The following CELSR3 variants were observed in gnomAD, a reference collection of about 807,000 sequenced individuals.
The protein encoded by CELSR3 is cadherin EGF LAG seven-pass G-type receptor 3.
A neutral mutation model predicts 270.0 loss-of-function variants in CELSR3; 73 were observed. That is an observed-to-expected ratio of 0.27 (90% CI 0.22 to 0.33). The LOEUF is 0.33. CELSR3 is among the 10% of genes least tolerant of loss of function. The pLI, the probability that CELSR3 is intolerant of heterozygous loss-of-function variation, is 1.00. For synonymous variants in CELSR3, 1,780 were observed against 1,905.4 expected, an observed-to-expected ratio of 0.93 and a Z score of 1.71; for missense variants, 3,614 against 4,533.8, an observed-to-expected ratio of 0.80 and a Z score of 5.83.
intron 16 of CELSR3, among the ~76,000 whole-genome samples, chr3:48,649,862 C>G (rs939758331): frequency 6.6e-6 from 1 of 152,152 alleles, no homozygotes; most frequent in South Asian, 2.1e-4. Flanking sequence ...GAGATACACA[C>G]GTGAGCATGC....
Position 48,641,669 on chromosome 3 carries a change from G to C in CELSR3, c.8825-145C>G. ...GTATCTCCTCAGAGATCAATGGGTGGGGGTGACTGGTGAGCTCCCTCCCCT... is the reference window on the plus strand; with the variant it reads ...GTATCTCCTCAGAGATCAATGGGTGCGGGTGACTGGTGAGCTCCCTCCCCT... On this transcript the variant is annotated intron_variant, in intron 32 of 34. Transcript: ENST00000164024. The surrounding 1 kb of genome is among the most constrained non-coding windows in gnomAD (Gnocchi z 4.8). The C allele has an allele frequency of 1.2e-6, 1 of 811,762 alleles. No individual in the cohort carries two copies. The highest frequency in any genetic ancestry group is 1.9e-6 in the Non-Finnish European group (1 of 524,480). The allele number at this position is 811,762 out of a possible 1,614,324, so 50.3% of individuals were successfully genotyped here.
chr3:48,656,105 G>C (rs763734512), intron 3 of CELSR3, 35 bp downstream of exon 3: 1 of 1,521,046 alleles, frequency 6.6e-7, no homozygotes, highest in South Asian at 1.2e-5. Flanking sequence ...GGTGGGGGCG[G>C]CGGGGAGGCG....
Position 48,656,986 on chromosome 3 carries a change from C to T in CELSR3, c.4111G>A (p.Val1371Ile), listed in dbSNP as rs1195525173. 2.5e-6 allele frequency: 4 copies of T among 1,612,952 alleles called. No homozygotes were observed. The highest frequency in any genetic ancestry group is 3.4e-6 in the Non-Finnish European group (4 of 1,179,558). ...CACACGTTGTCGTCGAAGGGCAGTA[C>T]GTCGAGCAGGGAGCGAGCCGCCAGC... The part of the protein sequence containing the change: ...AALAARSLLD[V>I]LPFDDNVCLR... Residue 1371 changes from valine to isoleucine, a missense_variant, in exon 2 of 35, where the codon GTA becomes ATA. Val to Ile is a conservative substitution (Grantham distance 29, BLOSUM62 3). This residue lies in a region of CELSR3 where 1,331 missense variants were observed against 1,933.7 expected (regional missense o/e 0.69). Coordinates refer to ENST00000164024, the MANE Select transcript of CELSR3 (RefSeq NM_001407.3).
chr3:48,644,718 C>T lies in CELSR3; in HGVS notation c.8083G>A (p.Val2695Met). ...GGCACCAAGTCCAGGGCACTCACCACTATGACCAGGACAACAGGGCCAGCA... is the reference window on the plus strand; with the variant it reads ...GGCACCAAGTCCAGGGCACTCACCATTATGACCAGGACAACAGGGCCAGCA... The part of the protein sequence containing the change: ...SFAGPVVLVI[V>M]MNGTMFLLAA... The change falls in exon 26 of 35, where the codon GTG becomes ATG. Residue 2695 changes from valine to methionine, a missense_variant and splice_region_variant. By Grantham distance (21) the Val-to-Met change is conservative. Around this residue, in one of 7 missense-constraint regions of CELSR3, gnomAD observed 1,240 missense variants for 1,351.7 expected, o/e 0.92. Coordinates refer to ENST00000164024, the MANE Select transcript of CELSR3 (RefSeq NM_001407.3). This position sits in a 1 kb window ranked among gnomAD's most constrained non-coding sequence, Gnocchi z 4.8. 1 of 1,612,106 alleles carries T rather than the reference C, an allele frequency of 6.2e-7. No individual in the cohort carries two copies. The highest frequency in any genetic ancestry group is 8.5e-7 in the Non-Finnish European group (1 of 1,178,694).
chr3:48,642,920 G>T lies in CELSR3; in HGVS notation c.8407-36C>A, dbSNP rs369336365. 3.4e-5 allele frequency: 55 copies of T among 1,611,124 alleles called. No homozygotes were observed. In the African/African-American group the frequency reaches 6.5e-4, roughly 19 times the overall value. ...TAGGGACAGAGTGTGAGCTAACCCT[G>T]AAGCAGCCTAAAACTCTGGCTTCTC... On this transcript the variant is annotated intron_variant, in intron 29 of 34. Coordinates refer to ENST00000164024, the MANE Select transcript of CELSR3 (RefSeq NM_001407.3). The surrounding 1 kb of genome is among the most constrained non-coding windows in gnomAD (Gnocchi z 6.1).
chr3:48,642,793 C>T lies in CELSR3; in HGVS notation c.8498G>A (p.Ser2833Asn). The change falls in exon 30 of 35, where the codon AGT (serine) becomes AAT (asparagine). Residue 2833 changes from serine (S) to asparagine (N), a missense_variant. Physicochemically the swap from Ser to Asn is conservative, Grantham distance 46. Around this residue, in one of 7 missense-constraint regions of CELSR3, gnomAD observed 1,240 missense variants for 1,351.7 expected, o/e 0.92. Coordinates refer to ENST00000164024, the MANE Select transcript of CELSR3 (RefSeq NM_001407.3). This position sits in a 1 kb window ranked among gnomAD's most constrained non-coding sequence, Gnocchi z 6.1. Reference protein sequence around the residue: ...LGASTVSSVSSARSGRTQDQD... With the variant: ...LGASTVSSVSNARSGRTQDQD... ...GTCCTGGGTCCGGCCGGAGCGGGCACTGCTCACAGAGGAGACGGTGGAGGC... is the reference window on the plus strand; with the variant it reads ...GTCCTGGGTCCGGCCGGAGCGGGCATTGCTCACAGAGGAGACGGTGGAGGC... 6.2e-7 allele frequency: 1 copy of T among 1,612,996 alleles called. No homozygotes were observed. The highest frequency in any genetic ancestry group is 8.5e-7 in the Non-Finnish European group (1 of 1,179,962).
At chr3:48,656,511 G>GCCCCCT (rs1389420363) in intron 2 of CELSR3, 146 bp from the exon 3 acceptor site, 4 of 1,126,430 alleles carry the variant, frequency 3.6e-6, no homozygotes. Context: ...GTCTGGCCCC[G>GCCCCCT]CCCCCTCCCC....
Position 48,645,128 on chromosome 3 carries a change from G to A in CELSR3, c.7879C>T (p.Leu2627Phe). Reference sequence around the variant, plus strand: ...CGTGGCTCAACCTGCATGCGGTAGAGGTGCAGCCCCTGCACGAAGAGCCAC... The same window carrying A: ...CGTGGCTCAACCTGCATGCGGTAGAAGTGCAGCCCCTGCACGAAGAGCCAC... Reference protein sequence around the residue: ...FAWLFVQGLHLYRMQVEPRNV... With the variant: ...FAWLFVQGLHFYRMQVEPRNV... The change falls in exon 25 of 35, where the codon CTC (leucine) becomes TTC (phenylalanine). Residue 2627 changes from leucine (L) to phenylalanine (F), a missense_variant. Transcript: ENST00000164024. The surrounding 1 kb of genome is among the most constrained non-coding windows in gnomAD (Gnocchi z 5.4). The A allele has an allele frequency of 1.2e-6, 2 of 1,604,252 alleles. No individual in the cohort carries two copies. Among genetic ancestry groups the A allele is most frequent in the Non-Finnish European group, 1.7e-6 (2 of 1,172,882 alleles).
Position 48,641,911 on chromosome 3 carries a change from G to A in CELSR3, c.8764C>T (p.Arg2922Cys), listed in dbSNP as rs1325146260. Reference protein sequence around the residue: ...ESEDNGRTRGRFQRPLCRAAQ... With the variant: ...ESEDNGRTRGCFQRPLCRAAQ... ...GCTCGGCAGAGTGGCCGTTGGAAGCGCCCCCGCGTCCGGCCATTGTCCTCG... is the reference window on the plus strand; with the variant it reads ...GCTCGGCAGAGTGGCCGTTGGAAGCACCCCCGCGTCCGGCCATTGTCCTCG... Residue 2922 changes from arginine to cysteine, a missense_variant, in exon 32 of 35, where the codon CGC becomes TGC. By Grantham distance (180) the Arg-to-Cys change is radical. This residue lies in a region of CELSR3 where 1,240 missense variants were observed against 1,351.7 expected (regional missense o/e 0.92). Transcript: ENST00000164024. This position sits in a 1 kb window ranked among gnomAD's most constrained non-coding sequence, Gnocchi z 4.8. 12 of 1,590,750 alleles carry A rather than the reference G, an allele frequency of 7.5e-6. No individual in the cohort carries two copies. The highest frequency in any genetic ancestry group is 5.7e-5 in the South Asian group (5 of 87,634).
chr3:48,652,442 T>C lies in CELSR3; in HGVS notation c.5746A>G (p.Ile1916Val). ...ATTCCCATGCTGACCCCCACCTGGA[T>C]GCAGCCAACCAGACCCTGAGGAGCC... ...EEAPQGLVGC[I>V]QGVWLGSTPS... Residue 1916 changes from isoleucine to valine, a missense_variant, in exon 11 of 35, where the codon ATC (isoleucine) becomes GTC (valine). Ile to Val is a conservative substitution (Grantham distance 29). Coordinates refer to ENST00000164024, the MANE Select transcript of CELSR3 (RefSeq NM_001407.3). This position sits in a 1 kb window ranked among gnomAD's most constrained non-coding sequence, Gnocchi z 4.3. The C allele has an allele frequency of 6.2e-7, 1 of 1,612,376 alleles. No homozygotes were observed. Among genetic ancestry groups the C allele is most frequent in the Non-Finnish European group, 8.5e-7 (1 of 1,178,632 alleles).
rs3733087 is a variant in CELSR3 at position 48,662,074 on chromosome 3, G to C, written c.561C>G (p.Ser187=). The C allele has an allele frequency of 1.3e-3, 2,169 of 1,614,090 alleles. 75 individuals are homozygous for C. The East Asian group carries it at 0.045, about 34-fold the overall frequency. The change falls in exon 1 of 35, where the codon TCC becomes TCG. Residue 187 remains serine (S), a synonymous_variant. Coordinates refer to ENST00000164024, the MANE Select transcript of CELSR3 (RefSeq NM_001407.3). This position sits in a 1 kb window ranked among gnomAD's most constrained non-coding sequence, Gnocchi z 7.1. ...GGGAGCCTGTCCCAGCGTTCCGCTG[G>C]GAGGACACCGGCTTGGGACCGTGGT... The part of the protein sequence containing the change: ...IRHHGPKPVS[S]QRNAGTGSRK...
chr3:48,655,591 G>T lies in CELSR3; in HGVS notation c.4741+145C>A. The T allele has an allele frequency of 1.1e-6, 1 of 882,182 alleles. No homozygotes were observed. The allele number at this position is 882,182 out of a possible 1,614,324, so 54.6% of individuals were successfully genotyped here. A position where few individuals can be genotyped will look rare whatever the true frequency, so the allele number is the denominator to read the frequency against. ...TCTTGGAGGGAGGGACCTTCCCACA[G>T]GGAATGGCCAAGGAGCTAGGTCTTC... is the stretch of plus-strand genomic sequence containing the variant. On this transcript the variant is annotated intron_variant, in intron 4 of 34. Transcript: ENST00000164024. The surrounding 1 kb of genome is among the most constrained non-coding windows in gnomAD (Gnocchi z 5.8).
In CELSR3 at chr3:48,658,809, G is replaced by T; in HGVS notation, c.3748+78C>A. ...TGGAAGGCTTAGAAATCCCTCTTTG[G>T]TTTGAGGTGCCCTGTGGAGTCCCTG... On this transcript the variant is annotated intron_variant, in intron 1 of 34. Transcript: ENST00000164024. This position sits in a 1 kb window ranked among gnomAD's most constrained non-coding sequence, Gnocchi z 4.7. The T allele has an allele frequency of 6.5e-7, 1 of 1,538,198 alleles. No homozygotes were observed. Among genetic ancestry groups the T allele is most frequent in the Non-Finnish European group, 8.8e-7 (1 of 1,133,556 alleles).
Position 48,637,260 on chromosome 3 carries a change from TA to T in CELSR3, c.*944del, listed in dbSNP as rs2046979580. On this transcript the variant is annotated 3_prime_UTR_variant, in exon 35 of 35. Transcript: ENST00000164024. ...GTGCCTAGGGCCACGGAGGATCCTG[TA>T]AACATAGGAGGCAGTGGCACCTACA... 1 of 152,590 alleles carries T rather than the reference TA, an allele frequency of 6.6e-6. No individual in the cohort carries two copies. The highest frequency in any genetic ancestry group is 2.4e-5 in the African/African-American group (1 of 41,436). 9.5% of individuals were successfully genotyped at this position (152,590 alleles called of 1,614,324 possible).
chr3:48,641,834 C>G lies in CELSR3; in HGVS notation c.8824+17G>C. On this transcript the variant is annotated intron_variant, in intron 32 of 34. Coordinates refer to ENST00000164024, the MANE Select transcript of CELSR3 (RefSeq NM_001407.3). This position sits in a 1 kb window ranked among gnomAD's most constrained non-coding sequence, Gnocchi z 4.8. ...GGCATCCCTTGGTCACCCAAGGGGT[C>G]AGAGGGCGCCTGGCACCTTTGGGGT... 1 of 1,445,866 alleles carries G rather than the reference C, an allele frequency of 6.9e-7. No homozygotes were observed. Among genetic ancestry groups the G allele is most frequent in the Non-Finnish European group, 9.1e-7 (1 of 1,096,774 alleles). 89.6% of individuals were successfully genotyped at this position (1,445,866 alleles called of 1,614,324 possible). A position where few individuals can be genotyped will look rare whatever the true frequency, so the allele number is the denominator to read the frequency against.
Position 48,645,890 on chromosome 3 carries a change from A to G in CELSR3, c.7464-22T>C. 13 of 1,588,136 alleles carry G rather than the reference A, an allele frequency of 8.2e-6. No individual in the cohort carries two copies. Among genetic ancestry groups the G allele is most frequent in the Non-Finnish European group, 1.0e-5 (12 of 1,164,196 alleles). ...CGCCCTGCAGCCACAGGGCAGTTAG[A>G]CACAACTGTGACCCAGTGTCAGGCA... is the stretch of plus-strand genomic sequence containing the variant. On this transcript the variant is annotated intron_variant, in intron 22 of 34. Transcript: ENST00000164024. This position sits in a 1 kb window ranked among gnomAD's most constrained non-coding sequence, Gnocchi z 5.4.
In CELSR3 at chr3:48,650,873, C is replaced by G. The variant is rs376994397; in HGVS notation, c.6370+19G>C. On this transcript the variant is annotated intron_variant, in intron 15 of 34. Coordinates refer to ENST00000164024, the MANE Select transcript of CELSR3 (RefSeq NM_001407.3). The surrounding 1 kb of genome is among the most constrained non-coding windows in gnomAD (Gnocchi z 5.1). Reference sequence around the variant, plus strand: ...TGGAACCAGCCCTCTATGGGTGGAGCTGGGTGGAGCCTGCTCACCCCGGCA... The same window carrying G: ...TGGAACCAGCCCTCTATGGGTGGAGGTGGGTGGAGCCTGCTCACCCCGGCA... The G allele has an allele frequency of 1.2e-4, 185 of 1,606,924 alleles. No homozygotes were observed. In the South Asian group the frequency reaches 1.4e-3, roughly 12 times the overall value.
At position 48,646,340 on chromosome 3, in the gene CELSR3, C is replaced by T. The variant is rs1163013160; in HGVS notation, c.7296-83G>A. 1.3e-5 allele frequency: 18 copies of T among 1,426,070 alleles called. No homozygotes were observed. The highest frequency in any genetic ancestry group is 1.7e-5 in the Non-Finnish European group (18 of 1,057,372). 88.3% of individuals were successfully genotyped at this position (1,426,070 alleles called of 1,614,324 possible). ...TGCCTCACCCCGTCTTCATGCCACT[C>T]GCCAGGGCTGACCCAGGGTCTGGGA... On this transcript the variant is annotated intron_variant, in intron 21 of 34. Transcript: ENST00000164024. The surrounding 1 kb of genome is among the most constrained non-coding windows in gnomAD (Gnocchi z 4.8).
Position 48,651,956 on chromosome 3 carries a change from G to A in CELSR3, c.5844C>T (p.Asn1948=), listed in dbSNP as rs765184298. ...GTGGGCAGGGCCCAGAGGCACAGGC[G>A]TTGGTCACAACACAGCCAGGCTCCG... is the stretch of plus-strand genomic sequence containing the variant. The part of the protein sequence containing the change: ...VNAEPGCVVT[N]ACASGPCPPH... Residue 1948 remains asparagine (N), a synonymous_variant, in exon 12 of 35, where the codon AAC becomes AAT. Transcript: ENST00000164024. This position sits in a 1 kb window ranked among gnomAD's most constrained non-coding sequence, Gnocchi z 7.4. The A allele has an allele frequency of 1.8e-5, 29 of 1,608,510 alleles. No homozygotes were observed. The highest frequency in any genetic ancestry group is 1.7e-4 in the Middle Eastern group (1 of 6,036).
Sources: allele counts gnomAD v4.1 joint callset (sites outside exome capture counted in the v4.1 genomes callset), GRCh38; gene constraint gnomAD v4.1.1; regional missense constraint gnomAD v4.1.1; non-coding constraint Gnocchi (gnomAD v3.1); transcripts MANE v1.5; gene names NCBI Gene and HGNC (gene_info 2026-07-23, HGNC 2026-07-21).